The following STK33 variants were observed in gnomAD, a reference collection of about 807,000 sequenced individuals.
The protein encoded by STK33 is serine/threonine kinase 33.
STK33 carries 52 observed loss-of-function variants against 58.0 expected under a neutral mutation model. The ratio of observed to expected loss-of-function variants is 0.90; its 90% CI spans 0.72 to 1.13. The LOEUF (loss-of-function observed/expected upper bound fraction) is 1.13. STK33 is among the 50% of genes most tolerant of loss of function. The pLI is 0.00. For missense variants in STK33, 630 were observed against 604.2 expected (o/e 1.04, Z -0.45); for synonymous variants, 215 against 200.1 (o/e 1.07, Z -0.63).
chr11:8,564,478 A>G (rs1446162225), intron 1 of STK33, among the ~76,000 whole-genome samples: 2 of 152,202 alleles, frequency 1.3e-5, no homozygotes, highest in Admixed American at 1.3e-4. Context: ...TTTTGTCAAA[A>G]TAAATCAAAG....
intron 1 of STK33, among the ~76,000 whole-genome samples, chr11:8,578,660 G>A (rs987722759): frequency 1.3e-5 from 2 of 151,604 alleles, no homozygotes; most frequent in Admixed American, 6.6e-5. Context: ...TGGCTCCAGG[G>A]AAATTAAATG....
intron 14 of STK33, among the ~76,000 whole-genome samples, chr11:8,432,680 G>A (rs1420286064): frequency 2.0e-5 from 3 of 152,168 alleles, no homozygotes; most frequent in African/African-American, 7.2e-5. Flanking sequence ...GTAAGCTCTG[G>A]TTGTAAAGCA....
intron 1 of STK33, among the ~76,000 whole-genome samples, chr11:8,492,118 C>G (rs1210248683): frequency 6.6e-6 from 1 of 152,118 alleles, no homozygotes; most frequent in Non-Finnish European, 1.5e-5. Context: ...TGTAAATGGG[C>G]TAAATGCCCC....
chr11:8,400,117 G>C (rs1323633384), intron 15 of STK33, among the ~76,000 whole-genome samples: 1 of 152,124 alleles, frequency 6.6e-6, no homozygotes, highest in African/African-American at 2.4e-5. Flanking sequence ...TAGCTCATTT[G>C]ATGAGGCCAG....
intron 1 of STK33, among the ~76,000 whole-genome samples, chr11:8,535,328 C>A (rs1954910609): frequency 6.6e-6 from 1 of 152,030 alleles, no homozygotes; most frequent in African/African-American, 2.4e-5. Flanking sequence ...TTACCTCTCC[C>A]CATACTATTC....
rs372188011 is a variant in STK33 at position 8,437,672 on chromosome 11, T to G, written c.948-1533A>C. Reference sequence around the variant, plus strand: ...TTATATTTTTCTTTATTTAAAAATCTAACTCATGAACATTTTCTGAATAAG... The same window carrying G: ...TTATATTTTTCTTTATTTAAAAATCGAACTCATGAACATTTTCTGAATAAG... On this transcript the variant is annotated intron_variant, in intron 12 of 15. Coordinates refer to ENST00000687296, the MANE Select transcript of STK33 (RefSeq NM_001352389.2). 3.3e-5 allele frequency among the ~76,000 whole-genome samples: 5 copies of G among 152,114 alleles called. No homozygotes were observed. In the East Asian group the frequency reaches 9.6e-4, roughly 29 times the overall value.
downstream of STK33, among the ~76,000 whole-genome samples, chr11:8,389,721 T>C (rs1290697742): frequency 1.3e-5 from 2 of 152,208 alleles, no homozygotes; most frequent in African/African-American, 4.8e-5. Context: ...TCAAATAGAA[T>C]TATTTAAACA....
intron 1 of STK33, among the ~76,000 whole-genome samples, chr11:8,492,776 A>G (rs1350217337): frequency 6.6e-6 from 1 of 152,234 alleles, no homozygotes; most frequent in Non-Finnish European, 1.5e-5. Context: ...TCAAATTAGA[A>G]CTCAGGATTA....
chr11:8,376,270 C>T, the STK33 span, among the ~76,000 whole-genome samples: 3 of 152,134 alleles, frequency 2.0e-5, no homozygotes, highest in Non-Finnish European at 4.4e-5. Flanking sequence ...TGTGTCTAAG[C>T]ATGTCACGGG....
chr11:8,442,413 T>C (rs1363281002), intron 11 of STK33, among the ~76,000 whole-genome samples: 3 of 152,210 alleles, frequency 2.0e-5, no homozygotes, highest in South Asian at 2.1e-4. Flanking sequence ...CGGGAAATCC[T>C]GGTCCTCGCT....
chr11:8,539,404 A>C (rs913625389), intron 1 of STK33, among the ~76,000 whole-genome samples: 1 of 152,120 alleles, frequency 6.6e-6, no homozygotes, highest in African/African-American at 2.4e-5. Flanking sequence ...TGATCGTTTA[A>C]GAATCAGTGT....
At chr11:8,483,863 T>C (rs1031529498) in intron 1 of STK33, among the ~76,000 whole-genome samples, 4 of 152,190 alleles carry the variant, frequency 2.6e-5, no homozygotes, top group Non-Finnish European at 4.4e-5. Flanking sequence ...ACTTCCACAA[T>C]GAAATATTAA....
chr11:8,386,676 T>C, the STK33 span, among the ~76,000 whole-genome samples: 1 of 152,184 alleles, frequency 6.6e-6, no homozygotes, highest in African/African-American at 2.4e-5. Context: ...GGCTGCCCCC[T>C]GAACCAGGAC....
chr11:8,480,878 CA>C (rs1300472609), intron 1 of STK33, among the ~76,000 whole-genome samples: 1 of 152,120 alleles, frequency 6.6e-6, no homozygotes, highest in African/African-American at 2.4e-5. Flanking sequence ...ATCCAATAAG[CA>C]AAAGATCAAT....
chr11:8,447,537 A>T (rs1432405880), intron 11 of STK33, among the ~76,000 whole-genome samples: 1 of 152,240 alleles, frequency 6.6e-6, no homozygotes, highest in African/African-American at 2.4e-5. Context: ...GACAAAAACC[A>T]TATGATTATC....
At chr11:8,375,917 T>A in the STK33 span, among the ~76,000 whole-genome samples, 1 of 152,306 alleles carries the variant, frequency 6.6e-6, no homozygotes, top group African/African-American at 2.4e-5. Context: ...TGGCAGTTCT[T>A]TATAGTAGTG....
chr11:8,354,903 C>T, the STK33 span, among the ~76,000 whole-genome samples: 2 of 152,362 alleles, frequency 1.3e-5, no homozygotes, highest in African/African-American at 4.8e-5. Context: ...CCTGGCAGGG[C>T]TGGGCACAGA....
At chr11:8,336,841 C>T in the STK33 span, among the ~76,000 whole-genome samples, 3 of 152,246 alleles carry the variant, frequency 2.0e-5, no homozygotes, top group Non-Finnish European at 4.4e-5. Context: ...GGCTGCAAGG[C>T]CAGTGCTCTG....
At chr11:8,366,822 G>A in the STK33 span, among the ~76,000 whole-genome samples, 1 of 152,148 alleles carries the variant, frequency 6.6e-6, no homozygotes, top group Non-Finnish European at 1.5e-5. Context: ...CCCATCTGTG[G>A]GTCCAATGCA....
Sources: gnomAD v4.1 joint callset for allele counts (sites outside exome capture counted in the v4.1 genomes callset) on GRCh38, gnomAD v4.1.1 for gene constraint, MANE v1.5 for transcripts, NCBI Gene and HGNC (gene_info 2026-07-23, HGNC 2026-07-21) for gene names.